The following NRXN3 variants were observed in gnomAD, a reference collection of about 807,000 sequenced individuals.
The protein encoded by NRXN3 is neurexin 3.
Under a neutral mutation model 137.6 loss-of-function variants are expected in NRXN3, and 32 were observed. The observed-to-expected ratio is 0.23, with a 90% CI of 0.18 to 0.31. The LOEUF (loss-of-function observed/expected upper bound fraction) is 0.31. NRXN3 is among the 10% of genes least tolerant of loss of function. The probability of loss-of-function intolerance (pLI) is 1.00; values close to 1 mark genes in which losing one functional copy is unlikely to be tolerated. For missense variants in NRXN3, 1,574 were observed against 2,062.5 expected (o/e 0.76, Z 4.59); for synonymous variants, 798 against 784.5 (o/e 1.02, Z -0.29).
chr14:79,126,011 TG>T, intron 15 of NRXN3, among the ~76,000 whole-genome samples: 1 of 152,250 alleles, frequency 6.6e-6, no homozygotes, highest in South Asian at 2.1e-4. Flanking sequence ...TTGCACTGAT[TG>T]GACATCACAG....
intron 16 of NRXN3, among the ~76,000 whole-genome samples, chr14:79,503,107 C>T (rs1195595574): frequency 6.6e-6 from 1 of 152,154 alleles, no homozygotes; most frequent in East Asian, 1.9e-4. Flanking sequence ...ACAGTGCACA[C>T]ATTTCTTCTA....
intron 14 of NRXN3, among the ~76,000 whole-genome samples, chr14:78,970,401 T>C (rs2099433155): frequency 7.5e-6 from 1 of 132,550 alleles, no homozygotes; most frequent in Admixed American, 6.9e-5. Flanking sequence ...TATTTTGCAC[T>C]TTTTTTCACA....
intron 2 of NRXN3, among the ~76,000 whole-genome samples, chr14:78,273,517 T>C (rs2073108504): frequency 6.6e-6 from 1 of 152,158 alleles, no homozygotes; most frequent in African/African-American, 2.4e-5. Flanking sequence ...GCTGCAGGTG[T>C]TTCTGACTCC....
At chr14:78,473,207 C>A (rs540122791) in intron 4 of NRXN3, among the ~76,000 whole-genome samples, 1 of 151,810 alleles carries the variant, frequency 6.6e-6, no homozygotes, top group African/African-American at 2.4e-5. Context: ...TCAAGACCAT[C>A]CTGGCTAACA....
chr14:79,359,609 C>T (rs1174469400), intron 15 of NRXN3, among the ~76,000 whole-genome samples: 2 of 144,054 alleles, frequency 1.4e-5, no homozygotes, highest in Middle Eastern at 3.9e-3. Flanking sequence ...CTTGCTCTGT[C>T]GCCCAGGCTG....
chr14:79,619,879 G>A (rs531870823), intron 16 of NRXN3, among the ~76,000 whole-genome samples: 114 of 152,220 alleles, frequency 7.5e-4, no homozygotes, highest in Non-Finnish European at 1.4e-3. Flanking sequence ...TGAGTGGTCT[G>A]TGGGTTTTTA....
intron 1 of NRXN3, 114 bp from the exon 2 acceptor site, chr14:78,242,277 A>C (rs189485133): frequency 6.6e-6 from 1 of 152,324 alleles, no homozygotes; most frequent in African/African-American, 2.4e-5. Flanking sequence ...AGCAATCACT[A>C]GAATAGCTTG....
intron 4 of NRXN3, among the ~76,000 whole-genome samples, chr14:78,533,739 C>T (rs986941255): frequency 6.6e-6 from 1 of 152,238 alleles, no homozygotes; most frequent in African/African-American, 2.4e-5. Context: ...AGGAAGCCCT[C>T]CCCGCATTTC....
intron 15 of NRXN3, among the ~76,000 whole-genome samples, chr14:79,232,255 C>CGCGCACGTGTGTGTGTGT (rs2072362792): frequency 6.6e-6 from 1 of 151,798 alleles, no homozygotes; most frequent in African/African-American, 2.4e-5. Context: ...TGTGTGTGCG[C>CGCGCACGTGTGTGTGTGT]GCGCACGTGT....
chr14:78,985,638 C>T (rs563982147), intron 14 of NRXN3, among the ~76,000 whole-genome samples: 1 of 152,254 alleles, frequency 6.6e-6, no homozygotes, highest in Admixed American at 6.5e-5. Flanking sequence ...TGTGTTTTCC[C>T]AGAGTTTTTG....
chr14:79,381,200 G>A (rs1010401071), intron 15 of NRXN3, among the ~76,000 whole-genome samples: 7 of 141,758 alleles, frequency 4.9e-5, no homozygotes, highest in Non-Finnish European at 1.1e-4. Flanking sequence ...CTTTTAATGC[G>A]TTGAATGTTT....
chr14:79,256,207 C>A (rs72688963), intron 15 of NRXN3, among the ~76,000 whole-genome samples: 18,715 of 151,060 alleles, frequency 0.12, 1,537 homozygotes, highest in Non-Finnish European at 0.18. Flanking sequence ...ACACACACAC[C>A]CCCCAGAAGA....
intron 10 of NRXN3, among the ~76,000 whole-genome samples, chr14:78,922,194 A>G (rs908621893): frequency 6.6e-6 from 1 of 152,182 alleles, no homozygotes; most frequent in Non-Finnish European, 1.5e-5. Context: ...TGGATATTCT[A>G]TACCTTTAGA....
chr14:78,981,247 A>G (rs1334451713), intron 14 of NRXN3, among the ~76,000 whole-genome samples: 1 of 152,214 alleles, frequency 6.6e-6, no homozygotes, highest in African/African-American at 2.4e-5. Context: ...CTTGTAAAAA[A>G]CAAAAACAAA....
At chr14:79,519,405 T>G (rs1186514760) in intron 16 of NRXN3, among the ~76,000 whole-genome samples, 1 of 152,102 alleles carries the variant, frequency 6.6e-6, no homozygotes. Context: ...CCTAGAATAT[T>G]AAATTCTCCT....
chr14:79,441,067 T>C (rs1467228653), intron 15 of NRXN3, among the ~76,000 whole-genome samples: 1 of 152,216 alleles, frequency 6.6e-6, no homozygotes, highest in Non-Finnish European at 1.5e-5. Context: ...GTTCCAAAAA[T>C]AATTAACAAT....
intron 8 of NRXN3, among the ~76,000 whole-genome samples, chr14:78,802,113 T>G (rs778785028): frequency 3.4e-4 from 52 of 152,224 alleles, no homozygotes; most frequent in Non-Finnish European, 6.6e-4. Context: ...GTGAGTGATA[T>G]TCTCTTCCTG....
chr14:78,930,112 A>G (rs1457866479), intron 10 of NRXN3, among the ~76,000 whole-genome samples: 1 of 152,058 alleles, frequency 6.6e-6, no homozygotes, highest in Non-Finnish European at 1.5e-5. Context: ...ACCTGTTTAA[A>G]CTCTTTGAGC....
At position 78,728,214 on chromosome 14, in the gene NRXN3, A is replaced by G. The variant is rs1188591211; in HGVS notation, c.2044+13075A>G. The stretch of plus-strand genomic sequence containing the variant: ...GCTGTGTGGGTCAGAAGATTTCTTC[A>G]CAAGCTCAGTGGGTCCTTGTGATTT... On this transcript the variant is annotated intron_variant, in intron 8 of 20. Transcript: ENST00000335750. 3.9e-5 allele frequency among the ~76,000 whole-genome samples: 6 copies of G among 152,334 alleles called. No homozygotes were observed. The East Asian group carries it at 1.2e-3, about 29-fold the overall frequency.
Sources: gnomAD v4.1 joint callset for allele counts (sites outside exome capture counted in the v4.1 genomes callset) on GRCh38, gnomAD v4.1.1 for gene constraint, MANE v1.5 for transcripts, NCBI Gene and HGNC (gene_info 2026-07-23, HGNC 2026-07-21) for gene names.